Variants in PAX3 observed in about 807,000 individuals in gnomAD.
PAX3 encodes paired box 3.
Under a neutral mutation model 51.6 loss-of-function variants are expected in PAX3, and 14 were observed. That is an observed-to-expected ratio of 0.27 (90% CI 0.18 to 0.42). The LOEUF is 0.42. Ranked by LOEUF, PAX3 falls within the 10% of genes least tolerant of loss-of-function variation. PAX3 has a pLI of 1.00. For synonymous variants in PAX3, 280 were observed against 253.4 expected (o/e 1.11, Z -1.00); for missense variants, 540 against 642.8 (o/e 0.84, Z 1.73).
rs1490242476 is a variant in PAX3 at position 222,220,124 on chromosome 2, G to A, written c.1173+16C>T. Reference sequence around the variant, plus strand: ...TGGTATACAGCAAATCGTCTGTCTAGAAACACGGGACTGACCTGAGGTGAG... The same window carrying A: ...TGGTATACAGCAAATCGTCTGTCTAAAAACACGGGACTGACCTGAGGTGAG... On this transcript the variant is annotated intron_variant, in intron 7 of 8. Coordinates refer to ENST00000392070, the MANE Select transcript of PAX3 (RefSeq NM_181458.4). The A allele has an allele frequency of 4.3e-6, 7 of 1,609,868 alleles. No individual in the cohort carries two copies. In the Admixed American group the frequency reaches 1.2e-4, roughly 27 times the overall value.
chr2:222,252,079 G>GA (rs1362558180), intron 4 of PAX3, among the ~76,000 whole-genome samples: 2 of 152,078 alleles, frequency 1.3e-5, no homozygotes, highest in Admixed American at 6.6e-5. Context: ...CTTAATGGTT[G>GA]AAAAAAGAAG....
At chr2:222,278,364 A>C (rs952347067) in intron 4 of PAX3, among the ~76,000 whole-genome samples, 1 of 152,066 alleles carries the variant, frequency 6.6e-6, no homozygotes, top group African/African-American at 2.4e-5. Flanking sequence ...GGGGAGTCTC[A>C]TTTCTTCAGA....
chr2:222,228,204 T>C (rs1422410520), intron 5 of PAX3, among the ~76,000 whole-genome samples: 1 of 152,160 alleles, frequency 6.6e-6, no homozygotes, highest in Non-Finnish European at 1.5e-5. Flanking sequence ...TGTTAGGCTA[T>C]AGATCACAGC....
chr2:222,286,059 C>A (rs931228867), intron 4 of PAX3, among the ~76,000 whole-genome samples: 1 of 152,178 alleles, frequency 6.6e-6, no homozygotes, highest in African/African-American at 2.4e-5. Context: ...TGCCTCAGTC[C>A]CCCAAGTAGC....
At chr2:222,257,996 G>T (rs1024218387) in intron 4 of PAX3, among the ~76,000 whole-genome samples, 10 of 152,244 alleles carry the variant, frequency 6.6e-5, no homozygotes, top group Admixed American at 1.3e-4. Flanking sequence ...TCCAAGAAAA[G>T]AGGAATATTC....
chr2:222,245,345 G>T (rs1693184558), intron 4 of PAX3, among the ~76,000 whole-genome samples: 2 of 152,160 alleles, frequency 1.3e-5, no homozygotes, highest in Admixed American at 6.5e-5. Flanking sequence ...TTGCTTGGAG[G>T]CAAATTCTTG....
At chr2:222,273,323 T>TTG (rs1476586495) in intron 4 of PAX3, among the ~76,000 whole-genome samples, 1 of 152,156 alleles carries the variant, frequency 6.6e-6, no homozygotes, top group Non-Finnish European at 1.5e-5. Context: ...ATTTTCGGGC[T>TTG]TGTGTGTGTG....
At chr2:222,286,724 T>C (rs1025500649) in intron 4 of PAX3, among the ~76,000 whole-genome samples, 1 of 152,228 alleles carries the variant, frequency 6.6e-6, no homozygotes, top group Non-Finnish European at 1.5e-5. Flanking sequence ...TTTAATACAA[T>C]TTCATTTTCA....
chr2:222,215,491 T>G (rs1364929480), intron 7 of PAX3, among the ~76,000 whole-genome samples: 5 of 151,476 alleles, frequency 3.3e-5, no homozygotes, highest in Non-Finnish European at 5.9e-5. Flanking sequence ...AGAAGTCGGG[T>G]GGGGGGTGAG....
At chr2:222,204,019 A>G (rs1691408797) in intron 7 of PAX3, among the ~76,000 whole-genome samples, 1 of 152,172 alleles carries the variant, frequency 6.6e-6, no homozygotes, top group Admixed American at 6.5e-5. Context: ...CACATTTTGA[A>G]AGACATCCCA....
chr2:222,231,438 C>T (rs1574660816), intron 5 of PAX3, among the ~76,000 whole-genome samples: 1 of 152,188 alleles, frequency 6.6e-6, no homozygotes, highest in Non-Finnish European at 1.5e-5. Context: ...AGGTTCAGAG[C>T]ACCTCTAAGA....
chr2:222,239,788 C>G (rs553085443), intron 4 of PAX3, among the ~76,000 whole-genome samples: 2 of 149,626 alleles, frequency 1.3e-5, no homozygotes, highest in Non-Finnish European at 3.0e-5. Context: ...GATTTCTCCC[C>G]GAAATGTGCC....
At chr2:222,282,477 TCAAGAAACC>T (rs1694680614) in intron 4 of PAX3, among the ~76,000 whole-genome samples, 2 of 152,152 alleles carry the variant, frequency 1.3e-5, no homozygotes, top group South Asian at 4.1e-4. Context: ...ATTCCCAAAC[TCAAGAAACC>T]CCTAGAGCAT....
intron 4 of PAX3, among the ~76,000 whole-genome samples, chr2:222,236,631 TA>T (rs528622123): frequency 5.0e-4 from 76 of 152,336 alleles, no homozygotes; most frequent in African/African-American, 1.8e-3. Flanking sequence ...ATAGAATATC[TA>T]ATGCTATGAT....
At chr2:222,295,248 T>C (rs941919028) in intron 3 of PAX3, among the ~76,000 whole-genome samples, 4 of 152,176 alleles carry the variant, frequency 2.6e-5, no homozygotes, top group Admixed American at 2.0e-4. Context: ...TAATAAACGC[T>C]CTGCCTCCGC....
At position 222,216,882 on chromosome 2, in the gene PAX3, GA is replaced by G. The variant is rs570930763; in HGVS notation, c.1173+3257del. 3.0e-4 allele frequency among the ~76,000 whole-genome samples: 45 copies of G among 152,254 alleles called. No individual in the cohort carries two copies. The East Asian group carries it at 4.4e-3, about 15-fold the overall frequency. ...ATACATCAATTTCAATGGCTCTAGGGAAAAAGTCGAATAAAATGCAGAAATA... is the reference window on the plus strand; with the variant it reads ...ATACATCAATTTCAATGGCTCTAGGGAAAAGTCGAATAAAATGCAGAAATA... On this transcript the variant is annotated intron_variant, in intron 7 of 8. Coordinates refer to ENST00000392070, the MANE Select transcript of PAX3 (RefSeq NM_181458.4).
At chr2:222,219,471 A>C (rs961593520) in intron 7 of PAX3, among the ~76,000 whole-genome samples, 3 of 152,234 alleles carry the variant, frequency 2.0e-5, no homozygotes, top group Non-Finnish European at 4.4e-5. Context: ...ACCCTCTCAC[A>C]TGCAATTATC....
chr2:222,264,211 A>G (rs1693963677), intron 4 of PAX3: 1 of 152,280 alleles, frequency 6.6e-6, no homozygotes, highest in African/African-American at 2.4e-5. Flanking sequence ...TTATTCAGCC[A>G]TAAAAAGTAA....
chr2:222,296,831 C>A, intron 2 of PAX3, 147 bp downstream of exon 2: 1 of 708,626 alleles, frequency 1.4e-6, no homozygotes, highest in Non-Finnish European at 2.5e-6. Context: ...CACGTACACA[C>A]ACACACGCGC....
Sources: allele counts gnomAD v4.1 joint callset (sites outside exome capture counted in the v4.1 genomes callset), GRCh38; gene constraint gnomAD v4.1.1; transcripts MANE v1.5; gene names NCBI Gene and HGNC (gene_info 2026-07-23, HGNC 2026-07-21).